MAP3K20: variants seen among roughly 807,000 people sequenced by gnomAD.
MAP3K20 encodes mitogen-activated protein kinase kinase kinase 20.
In MAP3K20, 40 loss-of-function variants were observed where a neutral mutation model predicts 85.7. The observed-to-expected ratio is 0.47, with a 90% CI of 0.36 to 0.61. MAP3K20 has a LOEUF of 0.61. Ranked by LOEUF, MAP3K20 falls within the 20% of genes least tolerant of loss-of-function variation. The pLI, the probability that MAP3K20 is intolerant of heterozygous loss-of-function variation, is 0.00. For missense variants in MAP3K20, 817 were observed against 961.7 expected (o/e 0.85, Z 1.99); for synonymous variants, 325 against 327.7 (o/e 0.99, Z 0.09).
intron 2 of MAP3K20, among the ~76,000 whole-genome samples, chr2:173,092,960 A>G (rs1308922920): frequency 6.6e-6 from 1 of 152,198 alleles, no homozygotes; most frequent in Non-Finnish European, 1.5e-5. Flanking sequence ...TGATTCCAGT[A>G]AACTGTAAGA....
chr2:173,235,186 G>C (rs1345076260), intron 14 of MAP3K20, among the ~76,000 whole-genome samples: 1 of 152,234 alleles, frequency 6.6e-6, no homozygotes, highest in Non-Finnish European at 1.5e-5. Flanking sequence ...GCAATGGGCA[G>C]CACAGCAGAG....
chr2:173,230,131 C>CT (rs1426933921), intron 12 of MAP3K20, among the ~76,000 whole-genome samples: 2 of 152,034 alleles, frequency 1.3e-5, no homozygotes, highest in African/African-American at 2.4e-5. Context: ...TGTGCCTGGC[C>CT]TTTTTTTCTG....
chr2:173,088,504 A>G (rs1333498206), intron 1 of MAP3K20, among the ~76,000 whole-genome samples: 4 of 152,248 alleles, frequency 2.6e-5, no homozygotes, highest in Admixed American at 6.5e-5. Context: ...TTAGAAATAC[A>G]GAGTTCAGTG....
chr2:173,238,492 C>A, intron 15 of MAP3K20, 57 bp downstream of exon 15: 1 of 1,472,180 alleles, frequency 6.8e-7, no homozygotes, highest in Non-Finnish European at 9.4e-7. Context: ...CATGCACCTG[C>A]TGCATCCACA....
intron 2 of MAP3K20, among the ~76,000 whole-genome samples, chr2:173,156,535 G>A (rs181978320): frequency 2.6e-5 from 4 of 152,220 alleles, no homozygotes; most frequent in Non-Finnish European, 5.9e-5. Flanking sequence ...GATGGTTTCA[G>A]GATAAAACTG....
In MAP3K20 at chr2:173,222,619, G is replaced by A. The variant is rs1208832305; in HGVS notation, c.987+5369G>A. 4 of 985,148 alleles carry A rather than the reference G, an allele frequency of 4.1e-6. No individual in the cohort carries two copies. The African/African-American group carries it at 7.0e-5, about 17-fold the overall frequency. 61.0% of individuals were successfully genotyped at this position (985,148 alleles called of 1,614,324 possible). A position where few individuals can be genotyped will look rare whatever the true frequency, so the allele number is the denominator to read the frequency against. ...TTTTTTAGAGGGGCATAATAATCCA[G>A]GATTCTAAGCATATGCTCAGCTATT... On this transcript the variant is annotated intron_variant, in intron 11 of 19. Coordinates refer to ENST00000375213, the MANE Select transcript of MAP3K20 (RefSeq NM_016653.3).
chr2:173,182,962 A>T lies in MAP3K20; in HGVS notation c.349+7A>T, dbSNP rs1043009035. 1 of 1,593,418 alleles carries T rather than the reference A, an allele frequency of 6.3e-7. No individual in the cohort carries two copies. Among genetic ancestry groups the T allele is most frequent in the Admixed American group, 1.7e-5 (1 of 57,704 alleles). The stretch of plus-strand genomic sequence containing the variant: ...GCCACTGATGTAGCCAAAGGTAATA[A>T]TATTTGGTATATTCTTATAGAATTA... On this transcript the variant is annotated splice_region_variant and intron_variant, in intron 4 of 19. Coordinates refer to ENST00000375213, the MANE Select transcript of MAP3K20 (RefSeq NM_016653.3).
intron 11 of MAP3K20, chr2:173,227,120 T>G (rs2106327289): frequency 1.0e-6 from 1 of 985,884 alleles, no homozygotes; most frequent in African/African-American, 1.7e-5. Context: ...TAAGACTCCA[T>G]TTTGCAATAA....
At chr2:173,227,182 CTG>C (rs1684412993) in intron 11 of MAP3K20, 1 of 966,906 alleles carries the variant, frequency 1.0e-6, no homozygotes, top group Admixed American at 6.2e-5. Flanking sequence ...TATAAGATCC[CTG>C]TTAGATTGGA....
intron 5 of MAP3K20, among the ~76,000 whole-genome samples, chr2:173,189,435 G>C (rs1272016122): frequency 1.3e-5 from 2 of 152,074 alleles, no homozygotes; most frequent in Non-Finnish European, 2.9e-5. Flanking sequence ...CAGTTCTTCA[G>C]AACTTTATCC....
chr2:173,243,742 C>G (rs751597235), intron 16 of MAP3K20, among the ~76,000 whole-genome samples: 17 of 152,134 alleles, frequency 1.1e-4, no homozygotes, highest in Non-Finnish European at 2.1e-4. Context: ...CTCAGCCTCC[C>G]GAATAGCTGG....
At chr2:173,122,270 G>A (rs1688317162) in intron 2 of MAP3K20, among the ~76,000 whole-genome samples, 1 of 152,252 alleles carries the variant, frequency 6.6e-6, no homozygotes, top group Non-Finnish European at 1.5e-5. Flanking sequence ...CCTAACTGGG[G>A]ATGTAAGCTG....
At position 173,092,700 on chromosome 2, in the gene MAP3K20, A is replaced by G. The variant is rs182796730; in HGVS notation, c.159+1510A>G. 5.3e-5 allele frequency among the ~76,000 whole-genome samples: 8 copies of G among 152,340 alleles called. No individual in the cohort carries two copies. In the East Asian group the frequency reaches 1.3e-3, roughly 26 times the overall value. ...ACTTTAGTAAAAGGAACATGTTCTTATATGATTGTTCGATGTGAAAAAGAT... is the reference window on the plus strand; with the variant it reads ...ACTTTAGTAAAAGGAACATGTTCTTGTATGATTGTTCGATGTGAAAAAGAT... On this transcript the variant is annotated intron_variant, in intron 2 of 19. Coordinates refer to ENST00000375213, the MANE Select transcript of MAP3K20 (RefSeq NM_016653.3).
At chr2:173,254,358 T>C (rs7602590) in intron 16 of MAP3K20, among the ~76,000 whole-genome samples, 6,035 of 147,186 alleles carry the variant, frequency 0.041, 181 homozygotes, top group Admixed American at 0.097. Context: ...GGTGTGAACC[T>C]AGGGGGTGGA....
chr2:173,166,492 C>T (rs558462486), intron 2 of MAP3K20: 1 of 152,126 alleles, frequency 6.6e-6, no homozygotes, highest in Non-Finnish European at 1.5e-5. Flanking sequence ...CCAGATTTCA[C>T]ATGTTGACTG....
At chr2:173,121,713 G>T (rs73021640) in intron 2 of MAP3K20, among the ~76,000 whole-genome samples, 219 of 152,190 alleles carry the variant, frequency 1.4e-3, no homozygotes, top group African/African-American at 5.1e-3. Context: ...TCTAGGATAC[G>T]TGTCTATTCC....
intron 3 of MAP3K20, among the ~76,000 whole-genome samples, chr2:173,173,215 A>T (rs1690058912): frequency 1.3e-5 from 2 of 148,370 alleles, no homozygotes; most frequent in African/African-American, 5.0e-5. Context: ...AAACATAAAT[A>T]TGTGAGGGCA....
At chr2:173,189,373 A>T (rs981548265) in intron 5 of MAP3K20, among the ~76,000 whole-genome samples, 2 of 152,168 alleles carry the variant, frequency 1.3e-5, no homozygotes, top group Admixed American at 6.5e-5. Context: ...GTAAGTATTG[A>T]TCATCTATCA....
chr2:173,243,756 T>C (rs753117207), intron 16 of MAP3K20, among the ~76,000 whole-genome samples: 12 of 151,770 alleles, frequency 7.9e-5, no homozygotes, highest in African/African-American at 1.9e-4. Context: ...TAGCTGGGAC[T>C]ACAACTACAG....
Sources: gnomAD v4.1 joint callset for allele counts (sites outside exome capture counted in the v4.1 genomes callset) on GRCh38, gnomAD v4.1.1 for gene constraint, MANE v1.5 for transcripts, NCBI Gene and HGNC (gene_info 2026-07-23, HGNC 2026-07-21) for gene names.